Variants in NDUFA6 observed in about 807,000 individuals in gnomAD.
The protein encoded by NDUFA6 is NADH:ubiquinone oxidoreductase subunit A6, also known as NADH dehydrogenase [ubiquinone] 1 alpha subcomplex subunit 6.
NDUFA6 carries 10 observed loss-of-function variants against 12.5 expected under a neutral mutation model. The observed-to-expected ratio is 0.80, with a 90% CI of 0.49 to 1.35. NDUFA6 has a LOEUF of 1.35. Ranked by LOEUF, NDUFA6 falls within the 40% of genes most tolerant of loss-of-function variation. The pLI is 0.00. For synonymous variants in NDUFA6, 66 were observed against 63.0 expected, an observed-to-expected ratio of 1.05 and a Z score of -0.23; for missense variants, 177 against 173.5, an observed-to-expected ratio of 1.02 and a Z score of -0.11.
At chr22:42,086,411 G>C in intron 2 of NDUFA6, 97 bp from the exon 3 acceptor site, 1 of 1,525,470 alleles carries the variant, frequency 6.6e-7, no homozygotes, top group South Asian at 1.1e-5. Context: ...GCATGGACTT[G>C]TTGAATGACC....
rs755188397 is a variant in NDUFA6 at position 42,090,692 on chromosome 22, T to C, written c.53A>G (p.Lys18Arg). 1 of 1,614,154 alleles carries C rather than the reference T, an allele frequency of 6.2e-7. No individual in the cohort carries two copies. Among genetic ancestry groups the C allele is most frequent in the Non-Finnish European group, 8.5e-7 (1 of 1,180,032 alleles). The change falls in exon 1 of 3, where the codon AAG (lysine) becomes AGG (arginine). Residue 18 changes from lysine to arginine, a missense_variant. By Grantham distance (26) the Lys-to-Arg change is conservative. Transcript: ENST00000498737. Reference protein sequence around the residue: ...QATSTASTFVKPIFSRDMNEA... With the variant: ...QATSTASTFVRPIFSRDMNEA... ...GTTCATGTCCCGACTGAAAATGGGC[T>C]TCACGAAGGTGCTGGCGGTAGAAGT...
Position 42,086,093 on chromosome 22 carries a change from C to T in NDUFA6, c.*90G>A. The stretch of plus-strand genomic sequence containing the variant: ...AAGAGGCTGCAGAAAATTGGTTCAT[C>T]AATGGAATTCTATCACAAAGTGACC... On this transcript the variant is annotated 3_prime_UTR_variant, in exon 3 of 3. Transcript: ENST00000498737. 6.3e-7 allele frequency: 1 copy of T among 1,596,484 alleles called. No individual in the cohort carries two copies. The highest frequency in any genetic ancestry group is 8.6e-7 in the Non-Finnish European group (1 of 1,165,472).
intron 2 of NDUFA6, 139 bp downstream of exon 2, chr22:42,086,921 T>C: frequency 1.4e-6 from 1 of 718,658 alleles, no homozygotes; most frequent in Non-Finnish European, 2.5e-6. Flanking sequence ...AGTTCAAGTA[T>C]TTCTCTGAAA....
chr22:42,086,531 G>A (rs1928261329), intron 2 of NDUFA6, among the ~76,000 whole-genome samples: 1 of 152,198 alleles, frequency 6.6e-6, no homozygotes, highest in Non-Finnish European at 1.5e-5. Flanking sequence ...GTGGTTAACT[G>A]GTACCAAGAG....
At chr22:42,087,964 C>T (rs1375995080) in intron 1 of NDUFA6, among the ~76,000 whole-genome samples, 6 of 149,770 alleles carry the variant, frequency 4.0e-5, no homozygotes, top group Admixed American at 2.7e-4. Flanking sequence ...AAACATGAGC[C>T]GGGCATGGTG....
chr22:42,088,392 C>T (rs1225330513), intron 1 of NDUFA6, among the ~76,000 whole-genome samples: 3 of 150,096 alleles, frequency 2.0e-5, no homozygotes, highest in Admixed American at 6.6e-5. Context: ...CCGGCCTGGG[C>T]GACAGAGCGA....
chr22:42,086,340 A>G (rs767647776), intron 2 of NDUFA6, 26 bp from the exon 3 acceptor site: 15 of 1,614,118 alleles, frequency 9.3e-6, no homozygotes, highest in Non-Finnish European at 1.2e-5. Flanking sequence ...AGAGGTCATC[A>G]GTCAAAGTTG....
intron 2 of NDUFA6, 143 bp downstream of exon 2, chr22:42,086,917 A>C: frequency 1.4e-6 from 1 of 709,304 alleles, no homozygotes; most frequent in South Asian, 1.6e-5. Flanking sequence ...TCCAAGTTCA[A>C]GTATTTCTCT....
At position 42,085,896 on chromosome 22, in the gene NDUFA6, A is replaced by G. The variant is rs1056095489; in HGVS notation, c.*287T>C. ...AAACAACTACATTAACAAGTCGTCC[A>G]GCCTCATGCCCAATGTCACAATTTT... On this transcript the variant is annotated 3_prime_UTR_variant, in exon 3 of 3. Transcript: ENST00000498737. 9.5e-6 allele frequency: 5 copies of G among 524,456 alleles called. No individual in the cohort carries two copies. The highest frequency in any genetic ancestry group is 1.7e-5 in the Non-Finnish European group (5 of 291,084). The allele number at this position is 524,456 out of a possible 1,614,324, so 32.5% of individuals were successfully genotyped here.
rs955358791 is a variant in NDUFA6, at chr22:42,086,150, T to C, written c.*33A>G. On this transcript the variant is annotated 3_prime_UTR_variant, in exon 3 of 3. Coordinates refer to ENST00000498737, the MANE Select transcript of NDUFA6 (RefSeq NM_002490.6). The stretch of plus-strand genomic sequence containing the variant: ...TAGTGAGTTTATTTGTGCTCTAAAA[T>C]AGTATCAACGTGCATCTTTCCACTG... 6 of 1,613,994 alleles carry C rather than the reference T, an allele frequency of 3.7e-6. No individual in the cohort carries two copies. The African/African-American group carries it at 8.0e-5, about 22-fold the overall frequency.
At chr22:42,088,712 ACT>A (rs1219764872) in intron 1 of NDUFA6, among the ~76,000 whole-genome samples, 2 of 129,570 alleles carry the variant, frequency 1.5e-5, no homozygotes, top group Non-Finnish European at 3.1e-5. Flanking sequence ...CAAGAGCGAG[ACT>A]CTGTCTCAAA....
Position 42,085,947 on chromosome 22 carries a change from G to A in NDUFA6, c.*236C>T. ...TGAACAGATGGCCTCCTTCCTTCCT[G>A]TTTACTGACATGCAAGGCTCTGAGA... On this transcript the variant is annotated 3_prime_UTR_variant, in exon 3 of 3. Transcript: ENST00000498737. The A allele has an allele frequency of 1.6e-6, 1 of 607,596 alleles. No homozygotes were observed. The highest frequency in any genetic ancestry group is 2.0e-5 in the South Asian group (1 of 50,896). 37.6% of individuals were successfully genotyped at this position (607,596 alleles called of 1,614,324 possible).
At position 42,086,039 on chromosome 22, in the gene NDUFA6, T is replaced by TA. The variant is rs1257005238; in HGVS notation, c.*143dup. 1 of 996,122 alleles carries TA rather than the reference T, an allele frequency of 1.0e-6. No homozygotes were observed. Among genetic ancestry groups the TA allele is most frequent in the African/African-American group, 1.6e-5 (1 of 62,954 alleles). 61.7% of individuals were successfully genotyped at this position (996,122 alleles called of 1,614,324 possible). A position where few individuals can be genotyped will look rare whatever the true frequency, so the allele number is the denominator to read the frequency against. On this transcript the variant is annotated 3_prime_UTR_variant, in exon 3 of 3. Transcript: ENST00000498737. ...GAAAAGGGAAAGAACAGGTGATGTG[T>TA]ATACCAAGGTCCCACTTGCTCAGGC...
chr22:42,090,690 GC>G lies in NDUFA6; in HGVS notation c.54del (p.Lys18AsnfsTer8). On this transcript the variant is annotated frameshift_variant, in exon 1 of 3. Coordinates refer to ENST00000498737, the MANE Select transcript of NDUFA6 (RefSeq NM_002490.6). LOFTEE classifies it high-confidence loss of function. ...QATSTASTFV[K>X]PIFSRDMNEA... ...TCGTTCATGTCCCGACTGAAAATGG[GC>G]TTCACGAAGGTGCTGGCGGTAGAAG... 6.2e-7 allele frequency: 1 copy of G among 1,614,164 alleles called. No individual in the cohort carries two copies. Among genetic ancestry groups the G allele is most frequent in the Non-Finnish European group, 8.5e-7 (1 of 1,180,032 alleles).
At chr22:42,088,136 G>A (rs573873681) in intron 1 of NDUFA6, among the ~76,000 whole-genome samples, 86 of 148,908 alleles carry the variant, frequency 5.8e-4, no homozygotes, top group Non-Finnish European at 9.6e-4. Flanking sequence ...GGCTGGGCGC[G>A]GTGGCTCACG....
At position 42,090,736 on chromosome 22, in the gene NDUFA6, C is replaced by T. The variant is rs267606262; in HGVS notation, c.9G>A (p.Gly3=). Reference sequence around the variant, plus strand: ...TAGAAGTAGCTTGGCGGACGCCGCTCCCCGCCATCTTGCCAAAGCATCCAC... The same window carrying T: ...TAGAAGTAGCTTGGCGGACGCCGCTTCCCGCCATCTTGCCAAAGCATCCAC... MA[G]SGVRQATSTA... is the part of the protein sequence containing the mutation. Residue 3 remains glycine, a synonymous_variant, in exon 1 of 3, where the codon GGG becomes GGA. Coordinates refer to ENST00000498737, the MANE Select transcript of NDUFA6 (RefSeq NM_002490.6). 6.2e-7 allele frequency: 1 copy of T among 1,614,068 alleles called. No homozygotes were observed. The highest frequency in any genetic ancestry group is 1.1e-5 in the South Asian group (1 of 91,090).
At position 42,085,737 on chromosome 22, in the gene NDUFA6, C is replaced by A; in HGVS notation, c.*446G>T. 1 of 249,750 alleles carries A rather than the reference C, an allele frequency of 4.0e-6. No individual in the cohort carries two copies. Among genetic ancestry groups the A allele is most frequent in the Non-Finnish European group, 7.9e-6 (1 of 125,930 alleles). 15.5% of individuals were successfully genotyped at this position (249,750 alleles called of 1,614,324 possible). On this transcript the variant is annotated 3_prime_UTR_variant, in exon 3 of 3. Transcript: ENST00000498737. ...TTGCACATCCATTTTCTTCAGAACC[C>A]AAGGAAAACTAGCCCATCTTGACAG...
intron 1 of NDUFA6, among the ~76,000 whole-genome samples, chr22:42,088,721 CAAAAAAAA>C (rs59094967): frequency 4.2e-5 from 3 of 71,932 alleles, no homozygotes; most frequent in African/African-American, 1.4e-4. Flanking sequence ...GACTCTGTCT[CAAAAAAAA>C]AAAAAAAAAA....
rs113437301 is a variant in NDUFA6, at chr22:42,086,248, G to A, written c.322C>T (p.His108Tyr). The change falls in exon 3 of 3, where the codon CAT becomes TAT. Residue 108 changes from histidine to tyrosine, a missense_variant. By Grantham distance (83) the His-to-Tyr change is moderately conservative. Around this residue, in one of 3 missense-constraint regions of NDUFA6, gnomAD observed 62 missense variants for 69.4 expected, o/e 0.89. Transcript: ENST00000498737. Reference sequence around the variant, plus strand: ...TTTGGCCTTGGCGCTTCTGTTTCATGGAAGAACCGCATAACATGTGTCCGC... The same window carrying A: ...TTTGGCCTTGGCGCTTCTGTTTCATAGAAGAACCGCATAACATGTGTCCGC... ...KQRTHVMRFFHETEAPRPKDF... is the reference protein window; with the variant it reads ...KQRTHVMRFFYETEAPRPKDF... 1.9e-3 allele frequency: 3,091 copies of A among 1,614,190 alleles called. 23 individuals carry two copies. In the Middle Eastern group the frequency reaches 0.02, roughly 11 times the overall value.
Sources: allele counts gnomAD v4.1 joint callset (sites outside exome capture counted in the v4.1 genomes callset), GRCh38; gene constraint gnomAD v4.1.1; regional missense constraint gnomAD v4.1.1; transcripts MANE v1.5; gene names NCBI Gene and HGNC (gene_info 2026-07-23, HGNC 2026-07-21).